Variants in PCDHGA4 observed in about 807,000 individuals in gnomAD.
PCDHGA4 encodes protocadherin gamma subfamily A, 4.
A neutral mutation model predicts 54.6 loss-of-function variants in PCDHGA4; 38 were observed. The ratio of observed to expected loss-of-function variants is 0.70; its 90% CI spans 0.54 to 0.91. PCDHGA4 has a LOEUF of 0.91. Ranked by LOEUF, PCDHGA4 falls within the 40% of genes least tolerant of loss-of-function variation. The pLI, the probability that PCDHGA4 is intolerant of heterozygous loss-of-function variation, is 0.00. For missense variants in PCDHGA4, 1,298 were observed against 1,220.9 expected (o/e 1.06, Z -0.94); for synonymous variants, 511 against 512.9 (o/e 1.00, Z 0.05).
chr5:141,428,007 A>G, intron 1 of PCDHGA4: 1 of 1,602,018 alleles, frequency 6.2e-7, no homozygotes, highest in Non-Finnish European at 8.5e-7. Flanking sequence ...ACTCTTCGAT[A>G]TAGTGCCACG....
chr5:141,356,282 C>T lies in PCDHGA4; in HGVS notation c.1175C>T (p.Ser392Phe). The change falls in exon 1 of 4, where the codon TCC (serine) becomes TTC (phenylalanine). Residue 392 changes from serine to phenylalanine, a missense_variant. Physicochemically the swap from Ser to Phe is radical, Grantham distance 155 (BLOSUM62 -2). Transcript: ENST00000571252. ...SLTSSVQESS[S>F]PGTVIALFNV... is the part of the protein sequence containing the mutation. ...ACCAGCTCAGTCCAGGAATCTTCTT[C>T]CCCGGGTACAGTAATTGCACTTTTC... The T allele has an allele frequency of 1.3e-6, 2 of 1,557,612 alleles. No individual in the cohort carries two copies. The highest frequency in any genetic ancestry group is 1.7e-6 in the Non-Finnish European group (2 of 1,150,150).
chr5:141,389,078 C>T, intron 1 of PCDHGA4: 1 of 1,614,002 alleles, frequency 6.2e-7, no homozygotes, highest in Non-Finnish European at 8.5e-7. Flanking sequence ...CTTCAAGAAA[C>T]ACGTATAAAT....
intron 1 of PCDHGA4, chr5:141,364,632 T>A: frequency 6.2e-7 from 1 of 1,614,142 alleles, no homozygotes; most frequent in Non-Finnish European, 8.5e-7. Flanking sequence ...CAGAGCCCAC[T>A]GTGTGTGGTG....
intron 1 of PCDHGA4, chr5:141,440,130 A>G (rs1222064545): frequency 6.6e-6 from 1 of 152,282 alleles, no homozygotes; most frequent in African/African-American, 2.4e-5. Context: ...TGAATGGATC[A>G]GGAGCAGATA....
intron 1 of PCDHGA4, chr5:141,413,755 A>G: frequency 1.2e-6 from 2 of 1,612,936 alleles, no homozygotes; most frequent in Non-Finnish European, 1.7e-6. Context: ...CAATGGCGTC[A>G]AGTACCCGGA....
At chr5:141,508,576 C>A (rs1437398161) in intron 3 of PCDHGA4, among the ~76,000 whole-genome samples, 1 of 152,136 alleles carries the variant, frequency 6.6e-6, no homozygotes, top group African/African-American at 2.4e-5. Flanking sequence ...TGCACCCACT[C>A]GGGGTGCTAC....
intron 1 of PCDHGA4, among the ~76,000 whole-genome samples, chr5:141,461,768 C>T (rs532591390): frequency 1.3e-5 from 2 of 152,016 alleles, no homozygotes; most frequent in African/African-American, 4.8e-5. Context: ...ATTCTCCTGC[C>T]TCAGCCTCCC....
intron 1 of PCDHGA4, chr5:141,418,770 A>G: frequency 6.2e-7 from 1 of 1,613,892 alleles, no homozygotes; most frequent in Non-Finnish European, 8.5e-7. Context: ...ATTCTAACTC[A>G]GCAGCCTTTG....
intron 1 of PCDHGA4, among the ~76,000 whole-genome samples, chr5:141,462,160 A>T (rs575238638): frequency 4.6e-5 from 7 of 152,122 alleles, no homozygotes; most frequent in Non-Finnish European, 1.0e-4. Flanking sequence ...GGGTTTCATC[A>T]TGTTGGCCAG....
chr5:141,480,380 A>C (rs1192159457), intron 1 of PCDHGA4, among the ~76,000 whole-genome samples: 3 of 151,970 alleles, frequency 2.0e-5, no homozygotes, highest in African/African-American at 4.8e-5. Context: ...GCACCACTAC[A>C]CTTCAACCAT....
chr5:141,510,847 AG>A, intron 3 of PCDHGA4, 99 bp from the exon 4 acceptor site: 3 of 1,595,350 alleles, frequency 1.9e-6, no homozygotes, highest in Non-Finnish European at 2.6e-6. Context: ...GTCAAGGCCC[AG>A]GGTGCTGTAT....
chr5:141,376,249 A>G (rs1433359020), intron 1 of PCDHGA4: 1 of 1,614,042 alleles, frequency 6.2e-7, no homozygotes, highest in Non-Finnish European at 8.5e-7. Context: ...GGCACAAGTC[A>G]CGCCTGCTGC....
At chr5:141,413,570 A>C in intron 1 of PCDHGA4, 1 of 1,613,930 alleles carries the variant, frequency 6.2e-7, no homozygotes. Context: ...GATATCAATG[A>C]CAATGCTCCA....
intron 1 of PCDHGA4, chr5:141,417,728 T>A: frequency 7.3e-7 from 1 of 1,373,610 alleles, no homozygotes; most frequent in Non-Finnish European, 9.6e-7. Flanking sequence ...GCGCAGACCT[T>A]GCCCAGCACA....
chr5:141,413,135 T>TGTCC (rs767378713), intron 1 of PCDHGA4: 1 of 1,545,632 alleles, frequency 6.5e-7, no homozygotes, highest in Non-Finnish European at 8.7e-7. Context: ...ACACACAACG[T>TGTCC]GTCCAGTGAG....
intron 1 of PCDHGA4, among the ~76,000 whole-genome samples, chr5:141,433,789 A>G (rs1388423731): frequency 6.7e-6 from 1 of 148,972 alleles, no homozygotes; most frequent in Non-Finnish European, 1.5e-5. Flanking sequence ...ATGAGCTGAG[A>G]TTGTGCCATT....
Position 141,371,577 on chromosome 5 carries a change from G to A in PCDHGA4, c.2514+13956G>A, listed in dbSNP as rs202142331. The A allele has an allele frequency of 9.5e-4, 1,537 of 1,613,860 alleles. 3 individuals carry two copies. The highest frequency in any genetic ancestry group is 1.3e-3 in the Middle Eastern group (8 of 6,062). On this transcript the variant is annotated intron_variant, in intron 1 of 3. Transcript: ENST00000571252. The stretch of plus-strand genomic sequence containing the variant: ...AAAAGGAAACTTCCCCTTTAAAATC[G>A]TTCAAGATACCAAAAACACATACAG...
At chr5:141,402,332 A>G (rs991402257) in intron 1 of PCDHGA4, among the ~76,000 whole-genome samples, 2 of 152,036 alleles carry the variant, frequency 1.3e-5, no homozygotes, top group African/African-American at 4.8e-5. Flanking sequence ...TTACAAATAT[A>G]TAGGTATAAA....
intron 1 of PCDHGA4, chr5:141,424,468 C>A (rs1301878037): frequency 1.3e-5 from 2 of 152,072 alleles, no homozygotes; most frequent in South Asian, 2.1e-4. Context: ...TCCTTTTATT[C>A]TTTTACTTTG....
Sources: allele counts gnomAD v4.1 joint callset (sites outside exome capture counted in the v4.1 genomes callset), GRCh38; gene constraint gnomAD v4.1.1; transcripts MANE v1.5; gene names NCBI Gene and HGNC (gene_info 2026-07-23, HGNC 2026-07-21).